Variants in ARHGAP29 observed in about 807,000 individuals in gnomAD.
The protein encoded by ARHGAP29 is rho GTPase-activating protein 29.
Under a neutral mutation model 122.6 loss-of-function variants are expected in ARHGAP29, and 43 were observed. The ratio of observed to expected loss-of-function variants is 0.35; its 90% CI spans 0.27 to 0.45. The LOEUF is 0.45. ARHGAP29 is among the 20% of genes least tolerant of loss of function. ARHGAP29 has a pLI of 1.00. For synonymous variants in ARHGAP29, 506 were observed against 497.1 expected, an observed-to-expected ratio of 1.02 and a Z score of -0.24; for missense variants, 1,303 against 1,477.2, an observed-to-expected ratio of 0.88 and a Z score of 1.93.
chr1:94,308,632 C>T, the ARHGAP29 span, among the ~76,000 whole-genome samples: 1 of 152,132 alleles, frequency 6.6e-6, no homozygotes, highest in African/African-American at 2.4e-5. Flanking sequence ...TCTTGTGCAC[C>T]ATTTCAAATC....
rs747415838 is a variant in ARHGAP29, at chr1:94,190,003, G to C, written c.1362C>G (p.Ala454=). 6.2e-7 allele frequency: 1 copy of C among 1,613,482 alleles called. No homozygotes were observed. The highest frequency in any genetic ancestry group is 1.7e-5 in the Admixed American group (1 of 59,910). ...ACTCTTGGCCTGGGTCATAGAGTTT[G>C]GCACTATCACAGAGAGACTGTAAAC... ...ADSLQSLCDS[A]KLYDPGQEYS... is the part of the protein sequence containing the mutation. Residue 454 remains alanine, a synonymous_variant, in exon 13 of 23, where the codon GCC becomes GCG. Transcript: ENST00000260526.
upstream of ARHGAP29, among the ~76,000 whole-genome samples, chr1:94,242,132 A>G (rs553304744): frequency 6.6e-6 from 1 of 152,322 alleles, no homozygotes; most frequent in East Asian, 1.9e-4. Flanking sequence ...ACATGTATAC[A>G]GCAAAACACA....
intron 12 of ARHGAP29, chr1:94,191,070 C>G (rs957956595): frequency 1.3e-5 from 2 of 151,904 alleles, no homozygotes; most frequent in Non-Finnish European, 2.9e-5. Context: ...TTGTCATGCT[C>G]AAGAAAGAGA....
chr1:94,227,988 A>G (rs935738662), intron 2 of ARHGAP29, among the ~76,000 whole-genome samples: 1 of 151,908 alleles, frequency 6.6e-6, no homozygotes, highest in East Asian at 1.9e-4. Context: ...CTTGTATAAG[A>G]CTACAAGGTA....
upstream of ARHGAP29, among the ~76,000 whole-genome samples, chr1:94,276,354 T>G (rs1023882888): frequency 2.0e-5 from 3 of 152,080 alleles, no homozygotes; most frequent in Admixed American, 2.0e-4. Flanking sequence ...TGCAGAGATA[T>G]TAATAAGATG....
chr1:94,219,709 G>A (rs1199239691), intron 3 of ARHGAP29, among the ~76,000 whole-genome samples: 1 of 152,110 alleles, frequency 6.6e-6, no homozygotes, highest in Non-Finnish European at 1.5e-5. Context: ...TGAATGGCAA[G>A]TCATTTCATC....
the ARHGAP29 span, chr1:94,302,611 C>T: frequency 2.4e-6 from 1 of 408,880 alleles, no homozygotes; most frequent in Non-Finnish European, 4.9e-6. Flanking sequence ...GGTGTGATGG[C>T]CATGGGGCTC....
intron 2 of ARHGAP29, among the ~76,000 whole-genome samples, chr1:94,228,096 C>T (rs1220748099): frequency 6.6e-6 from 1 of 151,726 alleles, no homozygotes; most frequent in East Asian, 1.9e-4. Context: ...CTCTAATCTT[C>T]CACATTAAGC....
chr1:94,228,695 T>C (rs556312190), intron 2 of ARHGAP29, among the ~76,000 whole-genome samples: 5 of 151,800 alleles, frequency 3.3e-5, no homozygotes, highest in Non-Finnish European at 7.4e-5. Context: ...AAGTACTCTG[T>C]AAAATGAAAA....
At chr1:94,295,329 A>G in the ARHGAP29 span, among the ~76,000 whole-genome samples, 43,232 of 152,064 alleles carry the variant, frequency 0.28, 7,031 homozygotes, top group East Asian at 0.46. Context: ...TTGAAAGGAT[A>G]GGGCTTTGTT....
Position 94,174,413 on chromosome 1 carries a change from T to C in ARHGAP29, c.3242A>G (p.Gln1081Arg), listed in dbSNP as rs1420209185. ...GCTGTTTTGTTCATACTGTTTGTCC[T>C]GAATTTTCTGTAGAGTTTGCTGGTC... Reference protein sequence around the residue: ...GFDQQTLQKIQDKQYEQNSLT... With the variant: ...GFDQQTLQKIRDKQYEQNSLT... Residue 1081 changes from glutamine (Q) to arginine (R), a missense_variant, in exon 23 of 23, where the codon CAG becomes CGG. Gln to Arg is a conservative substitution (Grantham distance 43). Coordinates refer to ENST00000260526, the MANE Select transcript of ARHGAP29 (RefSeq NM_004815.4). 6 of 1,614,126 alleles carry C rather than the reference T, an allele frequency of 3.7e-6. No individual in the cohort carries two copies. Among genetic ancestry groups the C allele is most frequent in the Non-Finnish European group, 5.1e-6 (6 of 1,180,054 alleles).
the ARHGAP29 span, among the ~76,000 whole-genome samples, chr1:94,284,210 GCTTTACTTATAGTAATTT>G: frequency 6.6e-6 from 1 of 152,102 alleles, no homozygotes; most frequent in African/African-American, 2.4e-5. Context: ...TGTTTAGAGA[GCTTTACTTATAGTAATTT>G]CTTATGCTGA....
At chr1:94,268,244 C>T (rs977203517) in intron 1 of ARHGAP29, among the ~76,000 whole-genome samples, 4 of 152,082 alleles carry the variant, frequency 2.6e-5, no homozygotes, top group African/African-American at 2.4e-5. Flanking sequence ...CAAAGATATC[C>T]GCTTTACTAA....
intron 1 of ARHGAP29, among the ~76,000 whole-genome samples, chr1:94,244,943 C>T (rs1463718812): frequency 1.3e-5 from 2 of 152,086 alleles, no homozygotes; most frequent in Non-Finnish European, 2.9e-5. Flanking sequence ...ATGAAGTGAA[C>T]ATATGCTGCA....
intron 1 of ARHGAP29, among the ~76,000 whole-genome samples, chr1:94,255,599 A>G (rs751220021): frequency 6.6e-6 from 1 of 152,188 alleles, no homozygotes; most frequent in Non-Finnish European, 1.5e-5. Flanking sequence ...ATTTCTTCCT[A>G]ATATTCACAA....
chr1:94,176,274 T>C (rs944897004), intron 22 of ARHGAP29, among the ~76,000 whole-genome samples: 13 of 152,210 alleles, frequency 8.5e-5, no homozygotes, highest in African/African-American at 2.4e-4. Flanking sequence ...TGTATCTATG[T>C]TGCTGTGTGA....
At chr1:94,298,090 G>A in the ARHGAP29 span, among the ~76,000 whole-genome samples, 22 of 152,068 alleles carry the variant, frequency 1.4e-4, no homozygotes, top group African/African-American at 3.4e-4. Flanking sequence ...AATATTCAGC[G>A]GCAAATATTG....
At chr1:94,204,324 G>A (rs1206737484) in intron 7 of ARHGAP29, among the ~76,000 whole-genome samples, 1 of 152,012 alleles carries the variant, frequency 6.6e-6, no homozygotes, top group Admixed American at 6.6e-5. Flanking sequence ...TCTTAATTGT[G>A]AGTGCTCATC....
Position 94,231,547 on chromosome 1 carries a change from G to A in ARHGAP29, c.65C>T (p.Thr22Ile). The A allele has an allele frequency of 6.2e-7, 1 of 1,613,796 alleles. No homozygotes were observed. Among genetic ancestry groups the A allele is most frequent in the Non-Finnish European group, 8.5e-7 (1 of 1,179,758 alleles). Reference protein sequence around the residue: ...KRAWASGQLSTDITTSEMGLK... With the variant: ...KRAWASGQLSIDITTSEMGLK... Reference sequence around the variant, plus strand: ...CCCCATTTCAGAAGTTGTAATATCAGTAGAGAGTTGACCTGATGCCCAAGC... The same window carrying A: ...CCCCATTTCAGAAGTTGTAATATCAATAGAGAGTTGACCTGATGCCCAAGC... Residue 22 changes from threonine (T) to isoleucine (I), a missense_variant, in exon 2 of 23, where the codon ACT (threonine) becomes ATT (isoleucine). By Grantham distance (89) the Thr-to-Ile change is moderately conservative (BLOSUM62 -1). Transcript: ENST00000260526.
Sources: allele counts gnomAD v4.1 joint callset (sites outside exome capture counted in the v4.1 genomes callset), GRCh38; gene constraint gnomAD v4.1.1; transcripts MANE v1.5; gene names NCBI Gene and HGNC (gene_info 2026-07-23, HGNC 2026-07-21).